Variants in PTP4A2 observed in about 807,000 individuals in gnomAD.
PTP4A2 encodes the protein protein tyrosine phosphatase type IVA 2.
A neutral mutation model predicts 22.9 loss-of-function variants in PTP4A2; 2 were observed. That is an observed-to-expected ratio of 0.09 (90% CI 0.04 to 0.27). The LOEUF is 0.27. Among genes scored for constraint, PTP4A2 ranks in the 10% least tolerant of loss-of-function variants. The probability of loss-of-function intolerance (pLI) is 1.00; values close to 1 mark genes in which losing one functional copy is unlikely to be tolerated. For synonymous variants in PTP4A2, 68 were observed against 69.1 expected (o/e 0.98, Z 0.08); for missense variants, 103 against 205.1 (o/e 0.50, Z 3.04).
At position 31,915,991 on chromosome 1, in the gene PTP4A2, T is replaced by TAAA; in HGVS notation, c.97-7_97-5dup. On this transcript the variant is annotated splice_polypyrimidine_tract_variant and splice_region_variant and intron_variant, in intron 2 of 5. Transcript: ENST00000647444. ...TCACTCCATACTTCTTAAGTTCCTTTAAAAAAAAAAAAAATTATAATGGAA... is the reference window on the plus strand; with the variant it reads ...TCACTCCATACTTCTTAAGTTCCTTTAAAAAAAAAAAAAAAAATTATAATGGAA... The TAAA allele has an allele frequency of 1.8e-5, 21 of 1,198,896 alleles. No homozygotes were observed. The highest frequency in any genetic ancestry group is 8.1e-5 in the African/African-American group (5 of 61,708). The allele number at this position is 1,198,896 out of a possible 1,614,324, so 74.3% of individuals were successfully genotyped here.
chr1:31,916,614 C>T (rs926783834), intron 2 of PTP4A2, among the ~76,000 whole-genome samples: 1 of 151,970 alleles, frequency 6.6e-6, no homozygotes, highest in African/African-American at 2.4e-5. Flanking sequence ...AAGACATATA[C>T]AAATATTTAG....
At chr1:31,930,580 C>A (rs2124261200) in intron 1 of PTP4A2, among the ~76,000 whole-genome samples, 1 of 152,278 alleles carries the variant, frequency 6.6e-6, no homozygotes, top group South Asian at 2.1e-4. Flanking sequence ...GCTGTTCAGG[C>A]ACTCTGATCC....
At chr1:31,930,147 G>A (rs1652659073) in intron 1 of PTP4A2, among the ~76,000 whole-genome samples, 1 of 151,968 alleles carries the variant, frequency 6.6e-6, no homozygotes, top group South Asian at 2.1e-4. Flanking sequence ...GACCATCCTG[G>A]CTAACACGGT....
chr1:31,913,121 AATTGAT>A (rs2124155059), intron 3 of PTP4A2: 2 of 403,854 alleles, frequency 5.0e-6, no homozygotes, highest in South Asian at 3.6e-5. Flanking sequence ...CTGAACCTCA[AATTGAT>A]ACAGCTAAAA....
At chr1:31,936,075 C>T (rs1455856775) in intron 1 of PTP4A2, among the ~76,000 whole-genome samples, 1 of 151,950 alleles carries the variant, frequency 6.6e-6, no homozygotes, top group Non-Finnish European at 1.5e-5. Flanking sequence ...AGGTATGAGC[C>T]AGCTTGCCCA....
intron 1 of PTP4A2, chr1:31,933,857 G>C (rs147033939): frequency 4.1e-4 from 62 of 152,318 alleles, no homozygotes; most frequent in African/African-American, 1.5e-3. Context: ...GCGTAAGAAA[G>C]GAATGTGGAA....
At chr1:31,917,742 G>A (rs1324044465) in intron 2 of PTP4A2, among the ~76,000 whole-genome samples, 3 of 152,106 alleles carry the variant, frequency 2.0e-5, no homozygotes, top group African/African-American at 7.2e-5. Flanking sequence ...TTGGGAGGCC[G>A]AGGAAGGCGG....
At chr1:31,920,889 G>A (rs1324502574) in intron 1 of PTP4A2, among the ~76,000 whole-genome samples, 3 of 152,096 alleles carry the variant, frequency 2.0e-5, no homozygotes, top group Non-Finnish European at 1.5e-5. Flanking sequence ...CTGCTTTGAT[G>A]GTTAGGTCCT....
intron 1 of PTP4A2, chr1:31,931,018 T>C (rs1325155139): frequency 6.6e-6 from 1 of 152,208 alleles, no homozygotes; most frequent in African/African-American, 2.4e-5. Flanking sequence ...TTCCTCCAAA[T>C]GTTTACTGAG....
chr1:31,918,019 G>C (rs1324564328), intron 2 of PTP4A2, among the ~76,000 whole-genome samples: 1 of 151,176 alleles, frequency 6.6e-6, no homozygotes, highest in South Asian at 2.1e-4. Context: ...GGGAGGCCGA[G>C]GTGACAGATC....
chr1:31,915,923 G>A lies in PTP4A2; in HGVS notation c.161C>T (p.Pro54Leu). 3 of 1,605,368 alleles carry A rather than the reference G, an allele frequency of 1.9e-6. No individual in the cohort carries two copies. In the East Asian group the frequency reaches 6.8e-5, roughly 36 times the overall value. The change falls in exon 3 of 6, where the codon CCA becomes CTA. Residue 54 changes from proline to leucine, a missense_variant. Physicochemically the swap from Pro to Leu is moderately conservative, Grantham distance 98 (BLOSUM62 -3). Coordinates refer to ENST00000647444, the MANE Select transcript of PTP4A2 (RefSeq NM_080391.4). The part of the protein sequence containing the change: ...RVCDATYDKA[P>L]VEKEGIHVLD... ...AACGTGGATTCCTTCTTTTTCAACT[G>A]GAGCTTTATCATATGTAGCATCACA...
At chr1:31,912,159 T>G (rs1164958284) in intron 3 of PTP4A2, among the ~76,000 whole-genome samples, 2 of 152,134 alleles carry the variant, frequency 1.3e-5, no homozygotes, top group Non-Finnish European at 1.5e-5. Flanking sequence ...AAACTGTAAT[T>G]AAAGCCAAGA....
intron 1 of PTP4A2, among the ~76,000 whole-genome samples, chr1:31,925,618 G>A (rs1652415354): frequency 6.6e-6 from 1 of 151,732 alleles, no homozygotes; most frequent in South Asian, 2.1e-4. Flanking sequence ...AAATTAGTCG[G>A]GTGTGGTGGT....
chr1:31,923,044 G>A (rs1652265598), intron 1 of PTP4A2, among the ~76,000 whole-genome samples: 1 of 151,280 alleles, frequency 6.6e-6, no homozygotes, highest in Non-Finnish European at 1.5e-5. Flanking sequence ...CAATTCTCCT[G>A]CCTCAGCCTC....
chr1:31,935,468 AGAG>A (rs1449027981), intron 1 of PTP4A2: 1 of 152,236 alleles, frequency 6.6e-6, no homozygotes, highest in Non-Finnish European at 1.5e-5. Flanking sequence ...CCTCAATATA[AGAG>A]GAGCTACTGA....
At chr1:31,914,160 G>A (rs770817889) in intron 3 of PTP4A2, 3 of 411,646 alleles carry the variant, frequency 7.3e-6, no homozygotes, top group African/African-American at 2.0e-5. Flanking sequence ...TTGACCTCTC[G>A]GGTTCAGGTG....
At chr1:31,921,570 T>TAC (rs1221723822) in intron 1 of PTP4A2, 2 of 152,212 alleles carry the variant, frequency 1.3e-5, no homozygotes, top group Non-Finnish European at 1.5e-5. Flanking sequence ...CAGTAATCTT[T>TAC]ACAGCTGGCT....
chr1:31,908,187 T>C lies in PTP4A2; in HGVS notation c.*665A>G, dbSNP rs1162068626. The C allele has an allele frequency of 2.8e-3, 94 of 33,568 alleles. 22 individuals carry two copies. Among genetic ancestry groups the C allele is most frequent in the African/African-American group, 9.3e-3 (81 of 8,748 alleles). 2.1% of individuals were successfully genotyped at this position (33,568 alleles called of 1,614,324 possible). On this transcript the variant is annotated 3_prime_UTR_variant, in exon 6 of 6. Coordinates refer to ENST00000647444, the MANE Select transcript of PTP4A2 (RefSeq NM_080391.4). ...ATATATATATATATATATATATATATATATATATATATATATATATCACTG... is the reference window on the plus strand; with the variant it reads ...ATATATATATATATATATATATATACATATATATATATATATATATCACTG...
chr1:31,922,588 TTCTTTCTTTC>T (rs1447203267), intron 1 of PTP4A2, among the ~76,000 whole-genome samples: 1 of 11,124 alleles, frequency 9.0e-5, no homozygotes, highest in Non-Finnish European at 2.0e-4. Context: ...CCAGGTTTGT[TTCTTTCTTTC>T]TTTCTTTCTT....
Sources: gnomAD v4.1 joint callset for allele counts (sites outside exome capture counted in the v4.1 genomes callset) on GRCh38, gnomAD v4.1.1 for gene constraint, MANE v1.5 for transcripts, NCBI Gene and HGNC (gene_info 2026-07-23, HGNC 2026-07-21) for gene names.